SRD5A1: variants seen among roughly 807,000 people sequenced by gnomAD.
The protein encoded by SRD5A1 is 3-oxo-5-alpha-steroid 4-dehydrogenase 1.
A neutral mutation model predicts 28.2 loss-of-function variants in SRD5A1; 22 were observed. The ratio of observed to expected loss-of-function variants is 0.78; its 90% CI spans 0.56 to 1.12. SRD5A1 has a LOEUF of 1.12. Ranked by LOEUF, SRD5A1 falls within the 50% of genes most tolerant of loss-of-function variation. The probability of loss-of-function intolerance (pLI) is 0.00; values close to 1 mark genes in which losing one functional copy is unlikely to be tolerated. For missense variants in SRD5A1, 300 were observed against 346.7 expected (o/e 0.87, Z 1.07); for synonymous variants, 151 against 135.0 (o/e 1.12, Z -0.82).
At chr5:6,644,928 G>A (rs1433600122) in intron 1 of SRD5A1, 2 of 455,840 alleles carry the variant, frequency 4.4e-6, no homozygotes, top group African/African-American at 2.0e-5. Flanking sequence ...GCTGGGATTC[G>A]TTGTTCTTAT....
chr5:6,649,904 A>G (rs1170044238), intron 1 of SRD5A1, among the ~76,000 whole-genome samples: 3 of 152,078 alleles, frequency 2.0e-5, no homozygotes, highest in Admixed American at 6.5e-5. Context: ...CCCACCCTTC[A>G]CAATCTATTA....
At chr5:6,668,059 A>G (rs991485469) in intron 4 of SRD5A1, 143 bp from the exon 5 acceptor site, 8 of 529,006 alleles carry the variant, frequency 1.5e-5, no homozygotes, top group Admixed American at 1.1e-4. Context: ...AAATTAAACT[A>G]TAAGTATGAA....
intron 1 of SRD5A1, among the ~76,000 whole-genome samples, chr5:6,649,686 G>A (rs1165552632): frequency 1.3e-5 from 2 of 152,210 alleles, no homozygotes; most frequent in Non-Finnish European, 2.9e-5. Context: ...GCTAGGAAAG[G>A]GAAATCCCTT....
Position 6,668,293 on chromosome 5 carries a change from CA to C in SRD5A1, c.*27del. The C allele has an allele frequency of 1.5e-6, 2 of 1,378,658 alleles. No individual in the cohort carries two copies. The highest frequency in any genetic ancestry group is 2.0e-6 in the Non-Finnish European group (2 of 987,074). 85.4% of individuals were successfully genotyped at this position (1,378,658 alleles called of 1,614,324 possible). On this transcript the variant is annotated 3_prime_UTR_variant, in exon 5 of 5. Transcript: ENST00000274192. ...AGTGCGTTTTTCATGAAATTATCTT[CA>C]ACTTGAAGCTTTCCAATGGCGCTTC...
intron 4 of SRD5A1, among the ~76,000 whole-genome samples, chr5:6,664,297 T>C (rs1739095848): frequency 6.6e-6 from 1 of 152,194 alleles, no homozygotes; most frequent in Non-Finnish European, 1.5e-5. Flanking sequence ...TGATATGGTA[T>C]AGTGGGAAGA....
In SRD5A1 at chr5:6,668,786, G is replaced by C. The variant is rs573958794; in HGVS notation, c.*518G>C. 6.5e-6 allele frequency: 1 copy of C among 152,780 alleles called. No individual in the cohort carries two copies. The highest frequency in any genetic ancestry group is 2.1e-4 in the South Asian group (1 of 4,832). 9.5% of individuals were successfully genotyped at this position (152,780 alleles called of 1,614,324 possible). On this transcript the variant is annotated 3_prime_UTR_variant, in exon 5 of 5. Coordinates refer to ENST00000274192, the MANE Select transcript of SRD5A1 (RefSeq NM_001047.4). ...GCCCGGGGGAAACTTGCCAACCTTC[G>C]TGTCAGGTGCTGTGTGTAAGTGGAG... is the stretch of plus-strand genomic sequence containing the variant.
intron 1 of SRD5A1, among the ~76,000 whole-genome samples, chr5:6,639,768 G>A (rs1738306368): frequency 6.6e-6 from 1 of 152,134 alleles, no homozygotes; most frequent in African/African-American, 2.4e-5. Flanking sequence ...TAAGATACTT[G>A]TCAATATTGT....
rs528924991 is a variant in SRD5A1, at chr5:6,633,735, G to A, written c.159G>A (p.Arg53=). 1.3e-6 allele frequency: 2 copies of A among 1,594,708 alleles called. No homozygotes were observed. The highest frequency in any genetic ancestry group is 1.7e-5 in the Admixed American group (1 of 59,778). The change falls in exon 1 of 5, where the codon CGG becomes CGA. Residue 53 remains arginine, a synonymous_variant. Coordinates refer to ENST00000274192, the MANE Select transcript of SRD5A1 (RefSeq NM_001047.4). ...GCCACAGGCTCCGAGTGCCGGCGCGGGCCGCCTGGGTGGTGCAGGAGCTGC... is the reference window on the plus strand; with the variant it reads ...GCCACAGGCTCCGAGTGCCGGCGCGAGCCGCCTGGGTGGTGCAGGAGCTGC... The part of the protein sequence containing the change: ...LPSHRLRVPA[R]AAWVVQELPS...
At chr5:6,652,701 A>G (rs1046505453) in intron 2 of SRD5A1, among the ~76,000 whole-genome samples, 2 of 151,916 alleles carry the variant, frequency 1.3e-5, no homozygotes, top group East Asian at 3.9e-4. Flanking sequence ...GCGAAACTCC[A>G]GCTCTACAAA....
chr5:6,665,671 A>G (rs1003505710), intron 4 of SRD5A1, among the ~76,000 whole-genome samples: 1 of 152,224 alleles, frequency 6.6e-6, no homozygotes, highest in African/African-American at 2.4e-5. Context: ...ATTAAAAGAA[A>G]CAAATGAGAT....
In SRD5A1 at chr5:6,668,830, G is replaced by A. The variant is rs971380260; in HGVS notation, c.*562G>A. On this transcript the variant is annotated 3_prime_UTR_variant, in exon 5 of 5. Transcript: ENST00000274192. ...AGTGGAGAACTTGGGGATAGAGGAG[G>A]AAGCTCCTCGTGGCCCTTCCAAGGT... is the stretch of plus-strand genomic sequence containing the variant. 2 of 152,324 alleles carry A rather than the reference G, an allele frequency of 1.3e-5. No individual in the cohort carries two copies. Among genetic ancestry groups the A allele is most frequent in the African/African-American group, 4.8e-5 (2 of 41,452 alleles). The allele number at this position is 152,324 out of a possible 1,614,324, so 9.4% of individuals were successfully genotyped here. A position where few individuals can be genotyped will look rare whatever the true frequency, so the allele number is the denominator to read the frequency against.
chr5:6,668,476 C>T lies in SRD5A1; in HGVS notation c.*208C>T, dbSNP rs1022956342. On this transcript the variant is annotated 3_prime_UTR_variant, in exon 5 of 5. Transcript: ENST00000274192. ...GGAGGTTGAATATCCTACTGTGTAA[C>T]AGGTCAGAATTTCAAGCTCTGGGTA... 6 of 403,488 alleles carry T rather than the reference C, an allele frequency of 1.5e-5. No individual in the cohort carries two copies. The highest frequency in any genetic ancestry group is 2.3e-5 in the Non-Finnish European group (5 of 220,598). 25.0% of individuals were successfully genotyped at this position (403,488 alleles called of 1,614,324 possible). A position where few individuals can be genotyped will look rare whatever the true frequency, so the allele number is the denominator to read the frequency against.
At chr5:6,638,510 A>G (rs560252186) in intron 1 of SRD5A1, among the ~76,000 whole-genome samples, 6 of 152,328 alleles carry the variant, frequency 3.9e-5, no homozygotes, top group Admixed American at 3.3e-4. Flanking sequence ...CCTTGGAACA[A>G]TCTCTCATTA....
At chr5:6,647,199 T>C (rs975234303) in intron 1 of SRD5A1, among the ~76,000 whole-genome samples, 6 of 152,224 alleles carry the variant, frequency 3.9e-5, no homozygotes, top group Admixed American at 2.6e-4. Flanking sequence ...CTTCCAACCA[T>C]GTGGTCAATT....
At chr5:6,639,396 TGTATGG>T (rs1454990095) in intron 1 of SRD5A1, among the ~76,000 whole-genome samples, 1 of 152,228 alleles carries the variant, frequency 6.6e-6, no homozygotes, top group Non-Finnish European at 1.5e-5. Context: ...GGGTTTATAC[TGTATGG>T]GTAATTCTGC....
chr5:6,650,083 T>G (rs1738625587), intron 1 of SRD5A1, among the ~76,000 whole-genome samples: 1 of 152,212 alleles, frequency 6.6e-6, no homozygotes. Context: ...CGGGTCAGTT[T>G]TGGTCATCTG....
chr5:6,654,228 A>AT (rs1335591432), intron 2 of SRD5A1, among the ~76,000 whole-genome samples: 2 of 150,850 alleles, frequency 1.3e-5, no homozygotes, highest in African/African-American at 2.4e-5. Context: ...AATTTTTTTT[A>AT]TTTTTTTTAG....
At chr5:6,655,547 G>A (rs891865994) in intron 2 of SRD5A1, among the ~76,000 whole-genome samples, 12 of 152,314 alleles carry the variant, frequency 7.9e-5, no homozygotes, top group Middle Eastern at 3.4e-3. Flanking sequence ...ACATAGATGC[G>A]CATTAATTTG....
chr5:6,656,233 C>G, intron 3 of SRD5A1, 54 bp downstream of exon 3: 1 of 1,446,906 alleles, frequency 6.9e-7, no homozygotes, highest in African/African-American at 1.4e-5. Context: ...TGGTTCCTGG[C>G]TATTTTAGTG....
Sources: allele counts gnomAD v4.1 joint callset (sites outside exome capture counted in the v4.1 genomes callset), GRCh38; gene constraint gnomAD v4.1.1; transcripts MANE v1.5; gene names NCBI Gene and HGNC (gene_info 2026-07-23, HGNC 2026-07-21).